Variants in TOGARAM2 observed in about 807,000 individuals in gnomAD.
The protein encoded by TOGARAM2 is TOG array regulator of axonemal microtubules protein 2.
TOGARAM2 carries 85 observed loss-of-function variants against 93.3 expected under a neutral mutation model. The ratio of observed to expected loss-of-function variants is 0.91; its 90% CI spans 0.76 to 1.09. The LOEUF (loss-of-function observed/expected upper bound fraction) is 1.09, where lower values mean the gene tolerates loss of function less well. TOGARAM2 is among the 50% of genes least tolerant of loss of function. TOGARAM2 has a pLI of 0.00. For synonymous variants in TOGARAM2, 593 were observed against 552.8 expected, an observed-to-expected ratio of 1.07 and a Z score of -1.02; for missense variants, 1,277 against 1,334.5, an observed-to-expected ratio of 0.96 and a Z score of 0.67.
rs1299947405 is a variant in TOGARAM2, at chr2:29,045,360, T to G, written c.2672T>G (p.Val891Gly). The G allele has an allele frequency of 1.2e-6, 2 of 1,613,680 alleles. No individual in the cohort carries two copies. The highest frequency in any genetic ancestry group is 1.7e-6 in the Non-Finnish European group (2 of 1,179,876). Reference sequence around the variant, plus strand: ...CTTCTACCAGCGCTTGCTGGGCGAGTGCGTTTCCTGAGTGGCCGTGCGGTG... The same window carrying G: ...CTTCTACCAGCGCTTGCTGGGCGAGGGCGTTTCCTGAGTGGCCGTGCGGTG... ...LCLLPALAGR[V>G]RFLSGRAVLD... Residue 891 changes from valine to glycine, a missense_variant, in exon 19 of 20, where the codon GTG becomes GGG. Transcript: ENST00000379558.
chr2:28,990,993 T>TGTGTGTGTGTGTGTGAAGG (rs1454146516), intron 1 of TOGARAM2, among the ~76,000 whole-genome samples: 53 of 14,134 alleles, frequency 3.7e-3, no homozygotes, highest in African/African-American at 9.9e-3. Context: ...GTGTGAAGGG[T>TGTGTGTGTGTGTGTGAAGG]GTGTGTGTGT....
intron 14 of TOGARAM2, chr2:29,032,722 T>C (rs1665842389): frequency 2.0e-6 from 1 of 501,990 alleles, no homozygotes; most frequent in Non-Finnish European, 3.5e-6. Context: ...TAGGAAAATA[T>C]GTAAAAATTT....
In TOGARAM2 at chr2:29,014,552, C is replaced by T. The variant is rs377049350; in HGVS notation, c.1035C>T (p.Ile345=). ...PPLKEEDQKE[I]GTKIQVTISK... Reference sequence around the variant, plus strand: ...TGAAAGAAGAGGACCAGAAGGAGATCGGCACCAAGGTACCTGGGGAGCGGG... The same window carrying T: ...TGAAAGAAGAGGACCAGAAGGAGATTGGCACCAAGGTACCTGGGGAGCGGG... The change falls in exon 8 of 20, where the codon ATC becomes ATT. Residue 345 remains isoleucine (I), a synonymous_variant. Transcript: ENST00000379558. The T allele has an allele frequency of 1.5e-5, 23 of 1,567,514 alleles. No homozygotes were observed. The highest frequency in any genetic ancestry group is 1.7e-4 in the Middle Eastern group (1 of 6,032).
Position 29,002,698 on chromosome 2 carries a change from T to C in TOGARAM2, c.590T>C (p.Leu197Pro). The change falls in exon 5 of 20, where the codon CTA becomes CCA. Residue 197 changes from leucine to proline, a missense_variant. Leu to Pro is a moderately conservative substitution (Grantham distance 98). Coordinates refer to ENST00000379558, the MANE Select transcript of TOGARAM2 (RefSeq NM_199280.4). ...GGAGTCAAAGAGAAGGGCCTGGACCTACCGGGGAGCATTCCGGGTCCTCAC... is the reference window on the plus strand; with the variant it reads ...GGAGTCAAAGAGAAGGGCCTGGACCCACCGGGGAGCATTCCGGGTCCTCAC... ...ASGVKEKGLD[L>P]PGSIPGPHEL... The C allele has an allele frequency of 6.2e-7, 1 of 1,614,008 alleles. No homozygotes were observed. Among genetic ancestry groups the C allele is most frequent in the Non-Finnish European group, 8.5e-7 (1 of 1,179,884 alleles).
chr2:28,992,823 G>T (rs944641020), intron 1 of TOGARAM2, among the ~76,000 whole-genome samples: 2 of 152,172 alleles, frequency 1.3e-5, no homozygotes, highest in African/African-American at 4.8e-5. Context: ...ACTTTGGGAG[G>T]CCGAGGCAGG....
intron 1 of TOGARAM2, among the ~76,000 whole-genome samples, chr2:28,984,594 T>C (rs1672380771): frequency 6.6e-6 from 1 of 152,230 alleles, no homozygotes; most frequent in African/African-American, 2.4e-5. Flanking sequence ...CTCCTGCTAC[T>C]GGGCAGGAAT....
intron 1 of TOGARAM2, among the ~76,000 whole-genome samples, chr2:28,985,127 A>T (rs957523121): frequency 2.0e-5 from 3 of 152,222 alleles, no homozygotes; most frequent in Non-Finnish European, 4.4e-5. Context: ...TTAGATTCAG[A>T]TGAGGTCGTG....
rs1358931709 is a variant in TOGARAM2, at chr2:29,014,506, C to T, written c.989C>T (p.Ala330Val). 1 of 1,580,374 alleles carries T rather than the reference C, an allele frequency of 6.3e-7. No homozygotes were observed. The highest frequency in any genetic ancestry group is 1.8e-5 in the Admixed American group (1 of 54,684). ...PTLTAFSFDC[A>V]REACPPLKEE... The stretch of plus-strand genomic sequence containing the variant: ...CTGACAGCCTTCTCCTTTGACTGTG[C>T]CAGAGAAGCCTGCCCTCCGCTGAAA... The change falls in exon 8 of 20, where the codon GCC (alanine) becomes GTC (valine). Residue 330 changes from alanine (A) to valine (V), a missense_variant. Physicochemically the swap from Ala to Val is moderately conservative, Grantham distance 64. Coordinates refer to ENST00000379558, the MANE Select transcript of TOGARAM2 (RefSeq NM_199280.4).
rs532517929 is a variant in TOGARAM2, at chr2:29,017,859, C to T, written c.1263C>T (p.Asn421=). The change falls in exon 10 of 20, where the codon AAC becomes AAT. Residue 421 remains asparagine, a synonymous_variant. Coordinates refer to ENST00000379558, the MANE Select transcript of TOGARAM2 (RefSeq NM_199280.4). ...VPTRLSGPCR[N]DVSIILRKWA... ...CTAGGCTGAGCGGCCCATGCAGAAA[C>T]GACGTCAGCATCATCCTGAGGAAGT... The T allele has an allele frequency of 1.2e-5, 19 of 1,613,492 alleles. No homozygotes were observed. Among genetic ancestry groups the T allele is most frequent in the Middle Eastern group, 1.7e-4 (1 of 6,060 alleles).
At chr2:29,009,215 G>T (rs1398576950) in intron 6 of TOGARAM2, among the ~76,000 whole-genome samples, 4 of 152,220 alleles carry the variant, frequency 2.6e-5, no homozygotes, top group African/African-American at 9.6e-5. Flanking sequence ...TTGCGAGATG[G>T]AGATGGAGGT....
chr2:29,008,001 G>T (rs1283370967), intron 6 of TOGARAM2, among the ~76,000 whole-genome samples: 1 of 151,862 alleles, frequency 6.6e-6, no homozygotes, highest in African/African-American at 2.4e-5. Context: ...GGGCGGCAAG[G>T]AGGGGAAGTG....
At chr2:29,039,322 G>A (rs1666297452) in intron 18 of TOGARAM2, among the ~76,000 whole-genome samples, 1 of 152,182 alleles carries the variant, frequency 6.6e-6, no homozygotes, top group African/African-American at 2.4e-5. Context: ...TGAATGCTGT[G>A]AAATATTTAA....
intron 1 of TOGARAM2, among the ~76,000 whole-genome samples, chr2:28,989,468 G>A (rs1175341343): frequency 6.6e-6 from 1 of 151,838 alleles, no homozygotes; most frequent in Non-Finnish European, 1.5e-5. Flanking sequence ...CACAATCTCA[G>A]CTCACTGCAG....
intron 8 of TOGARAM2, 105 bp from the exon 9 acceptor site, chr2:29,017,049 A>G: frequency 7.0e-7 from 1 of 1,426,182 alleles, no homozygotes; most frequent in East Asian, 2.4e-5. Flanking sequence ...TTTTTTGTTC[A>G]CTTCCAGGAC....
At chr2:29,021,150 G>T (rs1443386011) in intron 10 of TOGARAM2, among the ~76,000 whole-genome samples, 4 of 152,188 alleles carry the variant, frequency 2.6e-5, no homozygotes, top group Non-Finnish European at 5.9e-5. Flanking sequence ...CTGATCTCAG[G>T]TGATCTGCCT....
In TOGARAM2 at chr2:29,002,587, TC is replaced by T; in HGVS notation, c.484del (p.Arg162GlufsTer8). On this transcript the variant is annotated frameshift_variant, in exon 5 of 20. Coordinates refer to ENST00000379558, the MANE Select transcript of TOGARAM2 (RefSeq NM_199280.4). LOFTEE classifies it high-confidence loss of function. ...CAAGGAGTTCCCCTGCACAGCACCA[TC>T]CCCCGAGCCACCTCTCAGAGGCTGC... ...GPQGVPLHST[I>X]PRATSQRLLR... 1 of 1,613,760 alleles carries T rather than the reference TC, an allele frequency of 6.2e-7. No homozygotes were observed. Among genetic ancestry groups the T allele is most frequent in the Non-Finnish European group, 8.5e-7 (1 of 1,179,828 alleles).
intron 9 of TOGARAM2, among the ~76,000 whole-genome samples, chr2:29,017,587 T>A (rs1470126875): frequency 6.6e-6 from 1 of 152,126 alleles, no homozygotes; most frequent in Non-Finnish European, 1.5e-5. Context: ...CTTTTAAATT[T>A]TCTGTAGAGA....
intron 14 of TOGARAM2, among the ~76,000 whole-genome samples, chr2:29,029,838 A>G (rs1005041195): frequency 6.6e-6 from 1 of 152,054 alleles, no homozygotes; most frequent in Non-Finnish European, 1.5e-5. Flanking sequence ...AAGGCTGCAA[A>G]TAGGGTTCAA....
chr2:29,014,553 G>A lies in TOGARAM2; in HGVS notation c.1036G>A (p.Gly346Ser), dbSNP rs747712191. ...GAAAGAAGAGGACCAGAAGGAGATC[G>A]GCACCAAGGTACCTGGGGAGCGGGA... ...PLKEEDQKEI[G>S]TKIQVTISKS... Residue 346 changes from glycine to serine, a missense_variant, in exon 8 of 20, where the codon GGC becomes AGC. Transcript: ENST00000379558. 7 of 1,567,198 alleles carry A rather than the reference G, an allele frequency of 4.5e-6. No individual in the cohort carries two copies. Among genetic ancestry groups the A allele is most frequent in the Admixed American group, 3.8e-5 (2 of 52,556 alleles).
Sources: gnomAD v4.1 joint callset for allele counts (sites outside exome capture counted in the v4.1 genomes callset) on GRCh38, gnomAD v4.1.1 for gene constraint, MANE v1.5 for transcripts, NCBI Gene and HGNC (gene_info 2026-07-23, HGNC 2026-07-21) for gene names.